The following MAP1LC3A variants were observed in gnomAD, a reference collection of about 807,000 sequenced individuals.
MAP1LC3A encodes microtubule-associated protein 1 light chain 3 alpha.
Under a neutral mutation model 15.2 loss-of-function variants are expected in MAP1LC3A, and 10 were observed. The observed-to-expected ratio is 0.66, with a 90% CI of 0.41 to 1.12. MAP1LC3A has a LOEUF of 1.12. Ranked by LOEUF, MAP1LC3A falls within the 50% of genes most tolerant of loss-of-function variation. MAP1LC3A has a pLI of 0.00. For missense variants in MAP1LC3A, 138 were observed against 167.3 expected (o/e 0.82, Z 0.97); for synonymous variants, 63 against 64.3 (o/e 0.98, Z 0.10).
intron 2 of MAP1LC3A, among the ~76,000 whole-genome samples, chr20:34,551,230 T>G (rs1981933362): frequency 6.6e-6 from 1 of 150,752 alleles, no homozygotes; most frequent in South Asian, 2.1e-4. Context: ...TCAGCCTGGG[T>G]GACAGACTCT....
chr20:34,553,791 C>T (rs1334412449), upstream of MAP1LC3A, among the ~76,000 whole-genome samples: 1 of 152,178 alleles, frequency 6.6e-6, no homozygotes, highest in Non-Finnish European at 1.5e-5. Flanking sequence ...TACTGTCTGG[C>T]CCTTTAAGGG....
chr20:34,548,134 AGAAG>A (rs1345453717), intron 1 of MAP1LC3A, among the ~76,000 whole-genome samples: 2 of 151,892 alleles, frequency 1.3e-5, no homozygotes, highest in Non-Finnish European at 2.9e-5. Context: ...TGATGGGATG[AGAAG>A]GGAGGGGGCG....
chr20:34,558,560 T>G, upstream of MAP1LC3A: 1 of 1,168,880 alleles, frequency 8.6e-7, no homozygotes, highest in Non-Finnish European at 1.1e-6. The surrounding 1 kb of genome is among the most constrained non-coding windows in gnomAD (Gnocchi z 4.3). Flanking sequence ...GTCACGGGAC[T>G]GTGACGCGCC....
chr20:34,552,287 CTG>C (rs1214639944), intron 2 of MAP1LC3A, among the ~76,000 whole-genome samples: 3 of 152,242 alleles, frequency 2.0e-5, no homozygotes, highest in African/African-American at 7.2e-5. Context: ...GCGTGAGCCT[CTG>C]GACCTGGCAG....
intron 1 of MAP1LC3A, chr20:34,546,953 A>G (rs1311745942): frequency 1.3e-5 from 2 of 152,174 alleles, no homozygotes; most frequent in Non-Finnish European, 2.9e-5. Flanking sequence ...CTGCGGAGAG[A>G]TCGTAAGGGG....
intron 3 of MAP1LC3A, 123 bp from the exon 4 acceptor site, chr20:34,559,613 G>C: frequency 1.6e-6 from 2 of 1,274,688 alleles, no homozygotes; most frequent in Non-Finnish European, 1.1e-6. Context: ...AGTCGGTGTT[G>C]GGTCAGAGGT....
chr20:34,559,640 A>C, intron 3 of MAP1LC3A, 96 bp from the exon 4 acceptor site: 1 of 1,372,628 alleles, frequency 7.3e-7, no homozygotes, highest in South Asian at 1.3e-5. Flanking sequence ...TGGGGTGAGA[A>C]TGGGTGTGAA....
rs760734266 is a variant in MAP1LC3A at position 34,560,224 on chromosome 20, G to A, written c.*326G>A. 1.4e-5 allele frequency: 4 copies of A among 278,508 alleles called. No homozygotes were observed. The highest frequency in any genetic ancestry group is 4.9e-5 in the South Asian group (1 of 20,272). 17.3% of individuals were successfully genotyped at this position (278,508 alleles called of 1,614,324 possible). A position where few individuals can be genotyped will look rare whatever the true frequency, so the allele number is the denominator to read the frequency against. ...TCACCCACCCGAGGCTCTGCCCACC[G>A]CCTGGACCTGCCCACCCCTGAAAGA... On this transcript the variant is annotated 3_prime_UTR_variant, in exon 4 of 4. Coordinates refer to ENST00000360668, the MANE Select transcript of MAP1LC3A (RefSeq NM_032514.4).
chr20:34,547,934 G>A (rs997188982), intron 1 of MAP1LC3A, among the ~76,000 whole-genome samples: 3 of 152,174 alleles, frequency 2.0e-5, no homozygotes, highest in African/African-American at 7.2e-5. Context: ...TGTTCAGATA[G>A]GCGGGGGTCA....
At chr20:34,554,354 G>GTTTTTT (rs537779341), upstream of MAP1LC3A, among the ~76,000 whole-genome samples, 33 of 106,162 alleles carry the variant, frequency 3.1e-4, 2 homozygotes, top group Non-Finnish European at 3.9e-4. Context: ...TATACGTTGG[G>GTTTTTT]TTTTTTTTTT....
At chr20:34,549,856 CCCTCCTG>C (rs530268186) in intron 1 of MAP1LC3A, 78 of 770,118 alleles carry the variant, frequency 1.0e-4, no homozygotes, top group South Asian at 4.1e-4. Context: ...CAGAGTCAGT[CCCTCCTG>C]CCTCCTGCCT....
intron 2 of MAP1LC3A, among the ~76,000 whole-genome samples, chr20:34,550,263 C>G (rs543050624): frequency 2.6e-5 from 4 of 152,164 alleles, no homozygotes; most frequent in Non-Finnish European, 5.9e-5. Flanking sequence ...GGCTGAGACC[C>G]CCTGAGCAGA....
chr20:34,554,354 G>GTTTTTTTTT (rs537779341), upstream of MAP1LC3A, among the ~76,000 whole-genome samples: 5 of 106,184 alleles, frequency 4.7e-5, no homozygotes, highest in Non-Finnish European at 7.1e-5. Flanking sequence ...TATACGTTGG[G>GTTTTTTTTT]TTTTTTTTTT....
At chr20:34,554,367 T>G (rs1259791672), upstream of MAP1LC3A, among the ~76,000 whole-genome samples, 1 of 4,164 alleles carries the variant, frequency 2.4e-4, no homozygotes, top group African/African-American at 6.3e-4. Flanking sequence ...TTTTTTTTTT[T>G]TTTTTTTTTT....
chr20:34,547,568 A>G (rs1241532872), intron 1 of MAP1LC3A, among the ~76,000 whole-genome samples: 1 of 151,896 alleles, frequency 6.6e-6, no homozygotes, highest in African/African-American at 2.4e-5. Context: ...TGATTGAATC[A>G]TGGGGGCGGT....
chr20:34,548,957 C>T (rs1271164029), intron 1 of MAP1LC3A, among the ~76,000 whole-genome samples: 10 of 151,940 alleles, frequency 6.6e-5, no homozygotes, highest in African/African-American at 1.9e-4. Flanking sequence ...CCACCCACCT[C>T]GGCCTCCCGA....
upstream of MAP1LC3A, among the ~76,000 whole-genome samples, chr20:34,556,085 G>T (rs988865692): frequency 6.6e-6 from 1 of 150,722 alleles, no homozygotes; most frequent in Non-Finnish European, 1.5e-5. Context: ...CTCGTGATCC[G>T]CCTGCCTTGG....
chr20:34,553,492 T>C lies in MAP1LC3A; in HGVS notation c.52+3463T>C, dbSNP rs140401805. On this transcript the variant is annotated intron_variant, in intron 2 of 4. Coordinates refer to the MAP1LC3A transcript ENST00000374837. ...GTTGGCCTCAGTTCAGGGCTGAGTCTGACAAAAGACAGGTGTAATCACTTT... is the reference window on the plus strand; with the variant it reads ...GTTGGCCTCAGTTCAGGGCTGAGTCCGACAAAAGACAGGTGTAATCACTTT... 8.1e-3 allele frequency among the ~76,000 whole-genome samples: 1,229 copies of C among 152,230 alleles called. 19 individuals carry two copies. The highest frequency in any genetic ancestry group is 0.028 in the African/African-American group (1,178 of 41,552).
At chr20:34,558,393 A>G, upstream of MAP1LC3A, 1 of 989,122 alleles carries the variant, frequency 1.0e-6, no homozygotes, top group Non-Finnish European at 1.2e-6. The surrounding 1 kb of genome is among the most constrained non-coding windows in gnomAD (Gnocchi z 4.3). Context: ...GGCGCCCAGA[A>G]CCGCGTCAGT....
Sources: gnomAD v4.1 joint callset for allele counts (sites outside exome capture counted in the v4.1 genomes callset) on GRCh38, gnomAD v4.1.1 for gene constraint, Gnocchi (gnomAD v3.1) non-coding constraint, MANE v1.5 for transcripts, NCBI Gene and HGNC (gene_info 2026-07-23, HGNC 2026-07-21) for gene names.